KIAA0825: variants seen among roughly 807,000 people sequenced by gnomAD.
The protein encoded by KIAA0825 is KIAA0825, also known as uncharacterized protein KIAA0825.
A neutral mutation model predicts 147.6 loss-of-function variants in KIAA0825; 119 were observed. The ratio of observed to expected loss-of-function variants is 0.81; its 90% confidence interval spans 0.69 to 0.94. The LOEUF is 0.94. Among genes scored for constraint, KIAA0825 ranks in the 40% least tolerant of loss-of-function variants. KIAA0825 has a pLI of 0.00. For synonymous variants in KIAA0825, 470 were observed against 518.1 expected (o/e 0.91, Z 1.26); for missense variants, 1,381 against 1,472.7 (o/e 0.94, Z 1.02).
Position 94,154,093 on chromosome 5 carries a change from C to T in KIAA0825, c.3742G>A (p.Glu1248Lys), listed in dbSNP as rs769210988. 9 of 1,551,486 alleles carry T rather than the reference C, an allele frequency of 5.8e-6. No homozygotes were observed. Among genetic ancestry groups the T allele is most frequent in the Non-Finnish European group, 7.0e-6 (8 of 1,146,820 alleles). Residue 1248 changes from glutamate (E) to lysine (K), a missense_variant, in exon 21 of 21, where the codon GAG becomes AAG. Glu to Lys is a moderately conservative substitution (Grantham distance 56). Transcript: ENST00000682413. The part of the protein sequence containing the change: ...WEMKKDETLE[E>K]EEKAILEHLK... Reference sequence around the variant, plus strand: ...TGCTCCAGTATTGCTTTTTCTTCCTCTTCTAGTGTTTCATCCTTCTTCATT... The same window carrying T: ...TGCTCCAGTATTGCTTTTTCTTCCTTTTCTAGTGTTTCATCCTTCTTCATT...
chr5:94,193,217 T>A (rs527908680), intron 20 of KIAA0825, among the ~76,000 whole-genome samples: 3 of 152,144 alleles, frequency 2.0e-5, no homozygotes, highest in South Asian at 2.1e-4. Flanking sequence ...CATGAGGGCG[T>A]GCCAGAACCC....
At chr5:94,175,752 CAT>C (rs1338683955) in intron 20 of KIAA0825, among the ~76,000 whole-genome samples, 19 of 152,086 alleles carry the variant, frequency 1.2e-4, no homozygotes, top group Non-Finnish European at 1.6e-4. Flanking sequence ...GAATAAATTT[CAT>C]ATTTTTAGGG....
At chr5:94,595,611 T>TA (rs1785160370) in intron 1 of KIAA0825, among the ~76,000 whole-genome samples, 1 of 152,234 alleles carries the variant, frequency 6.6e-6, no homozygotes, top group Non-Finnish European at 1.5e-5. Context: ...TCCTCGTTAC[T>TA]TACGCAAATT....
At chr5:94,485,489 G>T (rs188983389) in intron 5 of KIAA0825, among the ~76,000 whole-genome samples, 1 of 151,882 alleles carries the variant, frequency 6.6e-6, no homozygotes, top group East Asian at 1.9e-4. Context: ...TGCTATTACT[G>T]TATGACTTAA....
intron 20 of KIAA0825, among the ~76,000 whole-genome samples, chr5:94,184,041 T>G (rs1485152172): frequency 6.6e-6 from 1 of 152,138 alleles, no homozygotes; most frequent in Non-Finnish European, 1.5e-5. Flanking sequence ...GGACTGAGCC[T>G]TTAACCTGTG....
intron 1 of KIAA0825, among the ~76,000 whole-genome samples, chr5:94,583,498 C>T (rs1782637456): frequency 6.6e-6 from 1 of 152,210 alleles, no homozygotes; most frequent in African/African-American, 2.4e-5. Context: ...GTTCTATGCT[C>T]ACAGTGCAAA....
intron 20 of KIAA0825, among the ~76,000 whole-genome samples, chr5:94,260,295 T>G (rs147532084): frequency 5.3e-5 from 8 of 152,294 alleles, no homozygotes; most frequent in African/African-American, 1.7e-4. Context: ...CAGTAATAGA[T>G]TCTCTTTATG....
chr5:94,265,615 A>G (rs1005578432), intron 20 of KIAA0825, among the ~76,000 whole-genome samples: 3 of 152,170 alleles, frequency 2.0e-5, no homozygotes, highest in Non-Finnish European at 4.4e-5. Context: ...CCTGGCCAAC[A>G]TGGTGAAACC....
chr5:94,518,761 G>GTT (rs1767643790), intron 5 of KIAA0825, among the ~76,000 whole-genome samples: 1 of 152,086 alleles, frequency 6.6e-6, no homozygotes, highest in Non-Finnish European at 1.5e-5. Context: ...TGTGGAAAAT[G>GTT]CTTCAAATTC....
intron 15 of KIAA0825, chr5:94,416,156 T>C (rs1340135890): frequency 6.6e-6 from 1 of 152,152 alleles, no homozygotes; most frequent in Non-Finnish European, 1.5e-5. Context: ...GAGATAACAT[T>C]TTAAAAAGAG....
At chr5:94,608,129 A>G (rs950453829) in intron 1 of KIAA0825, among the ~76,000 whole-genome samples, 4 of 151,856 alleles carry the variant, frequency 2.6e-5, no homozygotes, top group African/African-American at 9.7e-5. Context: ...GGATGTAGGT[A>G]TCTCATGGGG....
intron 7 of KIAA0825, among the ~76,000 whole-genome samples, chr5:94,476,265 G>A (rs1341529440): frequency 1.3e-5 from 2 of 152,150 alleles, no homozygotes. Flanking sequence ...GTAGGGTTTT[G>A]GTTACCTGCA....
chr5:94,317,571 G>T (rs1234740634), intron 20 of KIAA0825, among the ~76,000 whole-genome samples: 3 of 151,810 alleles, frequency 2.0e-5, no homozygotes, highest in Non-Finnish European at 4.4e-5. Flanking sequence ...GAAAATATAA[G>T]GCAGCACAGG....
chr5:94,275,388 A>G (rs1562345242), intron 20 of KIAA0825, among the ~76,000 whole-genome samples: 3 of 152,168 alleles, frequency 2.0e-5, no homozygotes, highest in Admixed American at 2.0e-4. Context: ...TAAAACATAA[A>G]GTAATATAGT....
intron 20 of KIAA0825, among the ~76,000 whole-genome samples, chr5:94,366,452 G>A (rs868866447): frequency 2.0e-5 from 3 of 152,044 alleles, no homozygotes; most frequent in East Asian, 1.9e-4. Context: ...CCTCACCCAC[G>A]TCCTCCTTTT....
chr5:94,513,306 T>C (rs1010452839), intron 5 of KIAA0825, among the ~76,000 whole-genome samples: 2 of 152,176 alleles, frequency 1.3e-5, no homozygotes, highest in Non-Finnish European at 2.9e-5. Context: ...ATGGCTAAGA[T>C]GGTATATAAA....
chr5:94,283,558 T>C (rs1777549481), intron 20 of KIAA0825, among the ~76,000 whole-genome samples: 1 of 152,024 alleles, frequency 6.6e-6, no homozygotes, highest in Non-Finnish European at 1.5e-5. Context: ...CTTTAAAAAA[T>C]CCCAACTTGT....
At chr5:94,588,249 A>G (rs1266580857) in intron 1 of KIAA0825, among the ~76,000 whole-genome samples, 1 of 152,232 alleles carries the variant, frequency 6.6e-6, no homozygotes, top group East Asian at 1.9e-4. Flanking sequence ...ATCAGAGTGA[A>G]CAGGCAACCT....
chr5:94,400,830 G>GT (rs1751279542), intron 16 of KIAA0825, among the ~76,000 whole-genome samples: 1 of 151,994 alleles, frequency 6.6e-6, no homozygotes, highest in African/African-American at 2.4e-5. Flanking sequence ...AATCTTCAGT[G>GT]TTTTTTAATG....
Sources: allele counts gnomAD v4.1 joint callset (sites outside exome capture counted in the v4.1 genomes callset), GRCh38; gene constraint gnomAD v4.1.1; transcripts MANE v1.5; gene names NCBI Gene and HGNC (gene_info 2026-07-23, HGNC 2026-07-21).